Variants in POLN observed in about 807,000 individuals in gnomAD.
POLN encodes the protein DNA polymerase N.
In POLN, 108 loss-of-function variants were observed where a neutral mutation model predicts 113.5. The observed-to-expected ratio is 0.95, with a 90% CI of 0.81 to 1.12. POLN has a LOEUF of 1.12. POLN is among the 50% of genes most tolerant of loss of function. POLN has a pLI of 0.00. For missense variants in POLN, 1,097 were observed against 1,077.1 expected, an observed-to-expected ratio of 1.02 and a Z score of -0.26; for synonymous variants, 386 against 391.5, an observed-to-expected ratio of 0.99 and a Z score of 0.17.
intron 4 of POLN, among the ~76,000 whole-genome samples, chr4:2,210,585 T>A (rs1329079269): frequency 6.5e-5 from 1 of 15,414 alleles, no homozygotes; most frequent in South Asian, 1.5e-3. Context: ...AGTCTCAAAA[T>A]AATAATAATA....
intron 3 of POLN, among the ~76,000 whole-genome samples, chr4:2,222,928 T>G (rs1316911074): frequency 1.3e-5 from 2 of 152,150 alleles, no homozygotes; most frequent in African/African-American, 2.4e-5. Flanking sequence ...CCAGCTTACC[T>G]GCGGGAGACC....
intron 2 of POLN, among the ~76,000 whole-genome samples, chr4:2,232,476 C>T (rs1734618672): frequency 6.6e-6 from 1 of 152,152 alleles, no homozygotes; most frequent in African/African-American, 2.4e-5. Context: ...TTAGAGATTA[C>T]TGATACAAGA....
intron 20 of POLN, among the ~76,000 whole-genome samples, chr4:2,092,297 C>A (rs968036294): frequency 9.9e-5 from 15 of 152,192 alleles, no homozygotes; most frequent in African/African-American, 3.6e-4. Context: ...TGAGAAGACC[C>A]AAGGATTTGA....
intron 3 of POLN, among the ~76,000 whole-genome samples, chr4:2,225,440 G>T (rs1463426375): frequency 6.6e-6 from 1 of 151,252 alleles, no homozygotes; most frequent in Non-Finnish European, 1.5e-5. Flanking sequence ...CTGTAATACT[G>T]GCTACTCAGG....
Position 2,126,406 on chromosome 4 carries a change from C to T in POLN, c.1982+1707G>A, listed in dbSNP as rs1481131819. ...ACGCAAGTTTGCGTTCTATACTATT[C>T]ATTCATTTATTTGACAAATCCTTTG... is the stretch of plus-strand genomic sequence containing the variant. On this transcript the variant is annotated intron_variant, in intron 19 of 25. Transcript: ENST00000511885. The surrounding 1 kb of genome is among the most constrained non-coding windows in gnomAD (Gnocchi z 4.6). 6.6e-6 allele frequency among the ~76,000 whole-genome samples: 1 copy of T among 152,162 alleles called. No individual in the cohort carries two copies. Among genetic ancestry groups the T allele is most frequent in the African/African-American group, 2.4e-5 (1 of 41,424 alleles).
intron 19 of POLN, among the ~76,000 whole-genome samples, chr4:2,096,447 G>C (rs144050321): frequency 1.8e-4 from 27 of 152,208 alleles, no homozygotes; most frequent in African/African-American, 6.3e-4. Flanking sequence ...GCATCTGACT[G>C]GCATGTGAAC....
chr4:2,073,055 CCTGCTGGT>C, intron 24 of POLN, 26 bp from the exon 25 acceptor site: 1 of 1,610,390 alleles, frequency 6.2e-7, no homozygotes, highest in Non-Finnish European at 8.5e-7. Context: ...GAGAGGAGGC[CCTGCTGGT>C]CTCTTGGCCT....
intron 5 of POLN, 80 bp from the exon 6 acceptor site, chr4:2,198,797 G>A (rs1733643562): frequency 7.5e-7 from 1 of 1,335,376 alleles, no homozygotes; most frequent in Non-Finnish European, 1.0e-6. Flanking sequence ...ATTAAGCAGA[G>A]AGAAAGAGAA....
intron 13 of POLN, among the ~76,000 whole-genome samples, chr4:2,160,262 C>A (rs1241891881): frequency 6.6e-6 from 1 of 152,162 alleles, no homozygotes; most frequent in African/African-American, 2.4e-5. Flanking sequence ...TTTCATTAAG[C>A]CCCTGTTCGT....
intron 5 of POLN, among the ~76,000 whole-genome samples, chr4:2,205,172 T>C (rs1230018843): frequency 6.6e-6 from 1 of 152,200 alleles, no homozygotes; most frequent in African/African-American, 2.4e-5. Context: ...GATTATATGA[T>C]TGTTTACCTA....
intron 9 of POLN, 21 bp downstream of exon 9, chr4:2,176,245 A>T: frequency 6.3e-7 from 1 of 1,588,194 alleles, no homozygotes; most frequent in Non-Finnish European, 8.6e-7. Context: ...GTCAGCCAGA[A>T]ATTATAATAA....
At chr4:2,082,408 C>G (rs570977404) in intron 21 of POLN, among the ~76,000 whole-genome samples, 49 of 152,288 alleles carry the variant, frequency 3.2e-4, no homozygotes, top group African/African-American at 1.2e-3. Flanking sequence ...AGTGGTCAGC[C>G]CACATCCTCA....
chr4:2,129,180 T>G lies in POLN; in HGVS notation c.1866A>C (p.Ala622=). The change falls in exon 18 of 26, where the codon GCA becomes GCC. Residue 622 remains alanine, a splice_region_variant and synonymous_variant. Transcript: ENST00000511885. ...ATAAAGCAAGCTACAGCAACGTACC[T>G]GCTGCTAGAAAGGTGTGGCCTTTGG... ...VSSKGHTFLA[A]DFSQIELRIL... 6.3e-7 allele frequency: 1 copy of G among 1,577,214 alleles called. No individual in the cohort carries two copies. Among genetic ancestry groups the G allele is most frequent in the Non-Finnish European group, 8.7e-7 (1 of 1,146,564 alleles).
intron 19 of POLN, among the ~76,000 whole-genome samples, chr4:2,121,448 A>AT (rs201923056): frequency 0.54 from 67,068 of 123,366 alleles, 20,013 homozygotes; most frequent in Non-Finnish European, 0.69. Context: ...AAAAAAAAAA[A>AT]AAAAATATAT....
chr4:2,129,546 T>C (rs985831945), intron 17 of POLN, among the ~76,000 whole-genome samples: 3 of 151,990 alleles, frequency 2.0e-5, no homozygotes, highest in Non-Finnish European at 4.4e-5. Context: ...CACACTGCCA[T>C]GACCAGCTGA....
chr4:2,174,545 A>G (rs2108748721), intron 10 of POLN, 146 bp downstream of exon 10: 1 of 733,250 alleles, frequency 1.4e-6, no homozygotes, highest in East Asian at 2.8e-5. Flanking sequence ...CTCACTACAG[A>G]AAGGGAAAAT....
intron 3 of POLN, among the ~76,000 whole-genome samples, chr4:2,216,745 T>C (rs1007194753): frequency 6.6e-6 from 1 of 152,240 alleles, no homozygotes; most frequent in South Asian, 2.1e-4. Context: ...CTGTACCTTC[T>C]AGGGCACAAG....
At chr4:2,159,925 T>A (rs1399107924) in intron 13 of POLN, among the ~76,000 whole-genome samples, 1 of 152,244 alleles carries the variant, frequency 6.6e-6, no homozygotes, top group Non-Finnish European at 1.5e-5. Context: ...CTTAGGGCTA[T>A]TATGAATAAT....
intron 24 of POLN, 52 bp downstream of exon 24, chr4:2,075,400 C>G: frequency 1.3e-6 from 2 of 1,586,758 alleles, no homozygotes; most frequent in Non-Finnish European, 1.7e-6. Flanking sequence ...GGCATGGAGC[C>G]TCCTCTTAGC....
Sources: allele counts gnomAD v4.1 joint callset (sites outside exome capture counted in the v4.1 genomes callset), GRCh38; gene constraint gnomAD v4.1.1; non-coding constraint Gnocchi (gnomAD v3.1); transcripts MANE v1.5; gene names NCBI Gene and HGNC (gene_info 2026-07-23, HGNC 2026-07-21).